SURF4: variants seen among roughly 807,000 people sequenced by gnomAD.
SURF4 encodes surfeit 4.
A neutral mutation model predicts 30.0 loss-of-function variants in SURF4; 3 were observed. The ratio of observed to expected loss-of-function variants is 0.10; its 90% CI spans 0.05 to 0.26. SURF4 has a LOEUF of 0.26. Ranked by LOEUF, SURF4 falls within the 10% of genes least tolerant of loss-of-function variation. The probability of loss-of-function intolerance (pLI) is 1.00; values close to 1 mark genes in which losing one functional copy is unlikely to be tolerated. For missense variants in SURF4, 217 were observed against 350.8 expected (o/e 0.62, Z 3.05); for synonymous variants, 143 against 139.9 (o/e 1.02, Z -0.16).
upstream of SURF4, among the ~76,000 whole-genome samples, chr9:133,377,116 T>C (rs1267821003): frequency 6.6e-6 from 1 of 152,150 alleles, no homozygotes; most frequent in East Asian, 1.9e-4. Context: ...TTTTGTCACT[T>C]TGGAAGAATT....
At chr9:133,374,485 C>G (rs2130224790) in intron 1 of SURF4, among the ~76,000 whole-genome samples, 14 of 152,100 alleles carry the variant, frequency 9.2e-5, no homozygotes, top group Non-Finnish European at 2.9e-5. Context: ...CGCTTGAACC[C>G]AGGAGTTGGA....
intron 1 of SURF4, among the ~76,000 whole-genome samples, chr9:133,369,116 G>A (rs921185747): frequency 3.3e-5 from 5 of 152,222 alleles, no homozygotes; most frequent in South Asian, 2.1e-4. Context: ...GCCCTGACTA[G>A]GTCAGCACTG....
intron 3 of SURF4, 186 bp from the exon 4 acceptor site, chr9:133,366,214 A>G (rs2130124713): frequency 1.6e-6 from 1 of 615,798 alleles, no homozygotes. Context: ...GAAATGTGCT[A>G]TGATGTTCCA....
At position 133,366,773 on chromosome 9, in the gene SURF4, G is replaced by A. The variant is rs2130132767; in HGVS notation, c.236-98C>T. On this transcript the variant is annotated intron_variant, in intron 2 of 5. Transcript: ENST00000371989. ...ACCTCACCTGGCCCTTAGGTCCAGA[G>A]GCAGCCAAACCACCTACCCAAGCAA... is the stretch of plus-strand genomic sequence containing the variant. 2.6e-5 allele frequency: 29 copies of A among 1,125,086 alleles called. No homozygotes were observed. In the East Asian group the frequency reaches 6.3e-4, roughly 25 times the overall value. 69.7% of individuals were successfully genotyped at this position (1,125,086 alleles called of 1,614,324 possible).
intron 1 of SURF4, chr9:133,370,846 G>T (rs2130183125): frequency 3.1e-6 from 4 of 1,285,346 alleles, no homozygotes; most frequent in South Asian, 1.2e-5. Context: ...GACCTGGCAG[G>T]CTGCAGGAAG....
intron 1 of SURF4, chr9:133,375,313 A>G (rs2130234971): frequency 4.1e-6 from 4 of 985,306 alleles, no homozygotes; most frequent in African/African-American, 3.5e-5. Context: ...GTCCCCACTC[A>G]ATCCAGCCCA....
Position 133,363,453 on chromosome 9 carries a change from G to T in SURF4, c.*40C>A. 1 of 1,614,180 alleles carries T rather than the reference G, an allele frequency of 6.2e-7. No individual in the cohort carries two copies. The highest frequency in any genetic ancestry group is 8.5e-7 in the Non-Finnish European group (1 of 1,180,030). ...AATCCACCCCGAACCAGTCCTTGAC[G>T]GCCACGGGTCTTAGCCAGGCAGGTA... On this transcript the variant is annotated 3_prime_UTR_variant, in exon 6 of 6. Transcript: ENST00000371989. The surrounding 1 kb of genome is among the most constrained non-coding windows in gnomAD (Gnocchi z 4.3).
At position 133,361,887 on chromosome 9, in the gene SURF4, G is replaced by A. The variant is rs1836830193; in HGVS notation, c.*1606C>T. ...TAACAGGGAGCGAGGTGTGGACCAA[G>A]AGACAGCCCTGGTGAGGTTGAAACA... is the stretch of plus-strand genomic sequence containing the variant. On this transcript the variant is annotated 3_prime_UTR_variant, in exon 6 of 6. Transcript: ENST00000371989. The A allele has an allele frequency of 6.6e-6, 1 of 152,306 alleles. No homozygotes were observed. The allele number at this position is 152,306 out of a possible 1,614,324, so 9.4% of individuals were successfully genotyped here.
upstream of SURF4, chr9:133,376,340 G>C: frequency 1.4e-6 from 2 of 1,380,256 alleles, no homozygotes; most frequent in Non-Finnish European, 1.9e-6. Context: ...CTGGGGGTCT[G>C]GGGCCAGCGC....
intron 4 of SURF4, among the ~76,000 whole-genome samples, chr9:133,365,751 C>A (rs1277199170): frequency 1.3e-5 from 2 of 152,184 alleles, no homozygotes; most frequent in Admixed American, 6.5e-5. Context: ...TATCCCTAAC[C>A]TGAAATGCTT....
chr9:133,363,319 C>T lies in SURF4; in HGVS notation c.*174G>A. On this transcript the variant is annotated 3_prime_UTR_variant, in exon 6 of 6. Coordinates refer to ENST00000371989, the MANE Select transcript of SURF4 (RefSeq NM_033161.4). This position sits in a 1 kb window ranked among gnomAD's most constrained non-coding sequence, Gnocchi z 4.3. ...CGCCAGACTGTGGCTCCAGAGCAGACTGAGCCATCGATTCTCAGGTGTCTC... is the reference window on the plus strand; with the variant it reads ...CGCCAGACTGTGGCTCCAGAGCAGATTGAGCCATCGATTCTCAGGTGTCTC... The T allele has an allele frequency of 9.1e-7, 1 of 1,099,364 alleles. No individual in the cohort carries two copies. The highest frequency in any genetic ancestry group is 1.4e-6 in the Non-Finnish European group (1 of 735,520). The allele number at this position is 1,099,364 out of a possible 1,614,324, so 68.1% of individuals were successfully genotyped here.
intron 1 of SURF4, among the ~76,000 whole-genome samples, chr9:133,374,434 G>T (rs921146756): frequency 6.6e-6 from 1 of 151,920 alleles, no homozygotes; most frequent in Non-Finnish European, 1.5e-5. Flanking sequence ...GACGGTGCAT[G>T]CCTGTAATCC....
At chr9:133,364,651 A>G (rs1767414927) in intron 5 of SURF4, among the ~76,000 whole-genome samples, 189 bp downstream of exon 5, 1 of 151,240 alleles carries the variant, frequency 6.6e-6, no homozygotes, top group Non-Finnish European at 1.5e-5. Context: ...GAGATCACGC[A>G]CTGCACTCCA....
chr9:133,375,605 G>A (rs976928015), intron 1 of SURF4, among the ~76,000 whole-genome samples: 3 of 152,164 alleles, frequency 2.0e-5, no homozygotes, highest in South Asian at 2.1e-4. Context: ...CCCAACGCCA[G>A]GACTCGCGCC....
rs2130139123 is a variant in SURF4, at chr9:133,367,306, T to C, written c.188A>G (p.Tyr63Cys). The C allele has an allele frequency of 9.3e-6, 15 of 1,614,110 alleles. No homozygotes were observed. Among genetic ancestry groups the C allele is most frequent in the Non-Finnish European group, 1.3e-5 (15 of 1,180,054 alleles). Residue 63 changes from tyrosine to cysteine, a missense_variant, in exon 2 of 6, where the codon TAC becomes TGC. Tyr to Cys is a radical substitution (Grantham distance 194). Transcript: ENST00000371989. ...DYIDTTWNCGYLLASSFVFLN... is the reference protein window; with the variant it reads ...DYIDTTWNCGCLLASSFVFLN... ...GAAGACGAAGGACGAGGCCAGCAGGTAGCCGCAGTTCCAGGTGGTGTCGAT... is the reference window on the plus strand; with the variant it reads ...GAAGACGAAGGACGAGGCCAGCAGGCAGCCGCAGTTCCAGGTGGTGTCGAT...
Position 133,363,865 on chromosome 9 carries a change from G to C in SURF4, c.544-106C>G. The C allele has an allele frequency of 7.2e-7, 1 of 1,384,052 alleles. No individual in the cohort carries two copies. The highest frequency in any genetic ancestry group is 1.0e-6 in the Non-Finnish European group (1 of 984,950). 85.7% of individuals were successfully genotyped at this position (1,384,052 alleles called of 1,614,324 possible). A position where few individuals can be genotyped will look rare whatever the true frequency, so the allele number is the denominator to read the frequency against. On this transcript the variant is annotated intron_variant, in intron 5 of 5. Transcript: ENST00000371989. The surrounding 1 kb of genome is among the most constrained non-coding windows in gnomAD (Gnocchi z 4.3). ...ACGTCATGAAGTCTCTATCCATCAG[G>C]CTGATGTAGCTACTGCTGAGACGGC...
chr9:133,364,473 G>A (rs1050034326), intron 5 of SURF4, among the ~76,000 whole-genome samples: 1 of 152,148 alleles, frequency 6.6e-6, no homozygotes, highest in South Asian at 2.1e-4. Context: ...GGCAGATCAC[G>A]AGGGGTCAGG....
chr9:133,377,374 G>T (rs2130253758), upstream of SURF4, among the ~76,000 whole-genome samples: 10 of 152,166 alleles, frequency 6.6e-5, no homozygotes, highest in African/African-American at 2.4e-4. Flanking sequence ...GCTTAGAACA[G>T]CAGTCCCTGG....
At chr9:133,365,096 A>G in intron 4 of SURF4, 70 bp from the exon 5 acceptor site, 2 of 1,388,806 alleles carry the variant, frequency 1.4e-6, no homozygotes, top group Non-Finnish European at 1.9e-6. Context: ...GACCAGGTGC[A>G]GGGAGACCTT....
Sources: gnomAD v4.1 joint callset for allele counts (sites outside exome capture counted in the v4.1 genomes callset) on GRCh38, gnomAD v4.1.1 for gene constraint, Gnocchi (gnomAD v3.1) non-coding constraint, MANE v1.5 for transcripts, NCBI Gene and HGNC (gene_info 2026-07-23, HGNC 2026-07-21) for gene names.